The following STK32B variants were observed in gnomAD, a reference collection of about 807,000 sequenced individuals.
The protein encoded by STK32B is serine/threonine-protein kinase 32B.
In STK32B, 43 loss-of-function variants were observed where a neutral mutation model predicts 52.6. That is an observed-to-expected ratio of 0.82 (90% CI 0.64 to 1.05). The LOEUF (loss-of-function observed/expected upper bound fraction) is 1.05, where lower values mean the gene tolerates loss of function less well. Ranked by LOEUF, STK32B falls within the 50% of genes least tolerant of loss-of-function variation. The probability of loss-of-function intolerance (pLI) is 0.00; values close to 1 mark genes in which losing one functional copy is unlikely to be tolerated. For synonymous variants in STK32B, 238 were observed against 204.3 expected, an observed-to-expected ratio of 1.17 and a Z score of -1.41; for missense variants, 621 against 534.6, an observed-to-expected ratio of 1.16 and a Z score of -1.59.
rs1027548479 is a variant in STK32B, at chr4:5,090,057, G to T, written c.52+38142G>T. 2.6e-5 allele frequency among the ~76,000 whole-genome samples: 4 copies of T among 151,970 alleles called. No individual in the cohort carries two copies. The South Asian group carries it at 8.3e-4, about 32-fold the overall frequency. ...CATGTCTTTTGCCCACTTTTTGATG[G>T]GGTTGTTTTTTCTTGTAAATATGTT... On this transcript the variant is annotated intron_variant, in intron 1 of 11. Transcript: ENST00000282908.
chr4:5,100,059 C>G (rs75034743), intron 1 of STK32B, among the ~76,000 whole-genome samples: 2 of 152,076 alleles, frequency 1.3e-5, no homozygotes, highest in African/African-American at 2.4e-5. Flanking sequence ...CATTTGTAAC[C>G]TCTGAAATGA....
chr4:5,088,651 G>A (rs1315716187), intron 1 of STK32B, among the ~76,000 whole-genome samples: 1 of 151,938 alleles, frequency 6.6e-6, no homozygotes, highest in African/African-American at 2.4e-5. Flanking sequence ...CTGTTTGAGA[G>A]ATGGATACTT....
chr4:5,184,994 A>G (rs1720635961), intron 3 of STK32B, among the ~76,000 whole-genome samples: 1 of 152,186 alleles, frequency 6.6e-6, no homozygotes, highest in Non-Finnish European at 1.5e-5. Flanking sequence ...ACCTGAGGTG[A>G]GGTTGCTCCC....
upstream of STK32B, among the ~76,000 whole-genome samples, chr4:5,048,485 T>C (rs541275521): frequency 1.3e-4 from 20 of 152,208 alleles, no homozygotes; most frequent in South Asian, 2.9e-3. Flanking sequence ...TTAGTAGAGA[T>C]GGGGTTTCAC....
chr4:5,133,887 A>G (rs1249250290), intron 1 of STK32B, among the ~76,000 whole-genome samples: 1 of 152,174 alleles, frequency 6.6e-6, no homozygotes, highest in African/African-American at 2.4e-5. Flanking sequence ...ATTTTATTAA[A>G]TGGAAAATCA....
At chr4:5,353,630 A>T (rs762681236) in intron 4 of STK32B, among the ~76,000 whole-genome samples, 3 of 152,198 alleles carry the variant, frequency 2.0e-5, no homozygotes, top group Non-Finnish European at 4.4e-5. Context: ...CAACAGGTAT[A>T]TGAAAAACTG....
intron 11 of STK32B, among the ~76,000 whole-genome samples, chr4:5,476,066 T>C (rs894864363): frequency 7.9e-5 from 12 of 151,408 alleles, no homozygotes; most frequent in African/African-American, 2.9e-4. Flanking sequence ...AGCTAATTTT[T>C]GTATTTTTTT....
rs538525293 is a variant in STK32B at position 5,402,306 on chromosome 4, G to A, written c.472+4062G>A. On this transcript the variant is annotated intron_variant, in intron 5 of 11. Transcript: ENST00000282908. ...GGAAGAGGCCAGTGGAAATGGAATG[G>A]ATGGAGCCACAGGCACAGGCCGGTG... 1.6e-4 allele frequency among the ~76,000 whole-genome samples: 24 copies of A among 152,362 alleles called. No individual in the cohort carries two copies. The South Asian group carries it at 5.0e-3, about 32-fold the overall frequency.
At chr4:5,454,862 C>T (rs982321378) in intron 7 of STK32B, among the ~76,000 whole-genome samples, 16 of 152,130 alleles carry the variant, frequency 1.1e-4, no homozygotes, top group Admixed American at 4.6e-4. Context: ...ATCTCACACA[C>T]GCAATGATGG....
At chr4:5,137,156 C>T (rs1462080889) in intron 1 of STK32B, among the ~76,000 whole-genome samples, 4 of 152,294 alleles carry the variant, frequency 2.6e-5, no homozygotes, top group South Asian at 2.1e-4. Flanking sequence ...ACCTCTACAG[C>T]GATAAAGCTG....
chr4:5,253,390 G>A (rs1326356341), intron 3 of STK32B, among the ~76,000 whole-genome samples: 2 of 151,980 alleles, frequency 1.3e-5, no homozygotes, highest in Non-Finnish European at 2.9e-5. Flanking sequence ...TGTTGTTGTT[G>A]TTTAGACAGG....
At chr4:5,047,674 C>G (rs922825292), upstream of STK32B, among the ~76,000 whole-genome samples, 2 of 152,094 alleles carry the variant, frequency 1.3e-5, no homozygotes, top group African/African-American at 4.8e-5. Context: ...CTGCAGGGCT[C>G]CTGGATGACA....
At chr4:5,142,679 T>C (rs920091189) in intron 2 of STK32B, among the ~76,000 whole-genome samples, 1 of 152,228 alleles carries the variant, frequency 6.6e-6, no homozygotes, top group Non-Finnish European at 1.5e-5. Context: ...GAAATCTTTT[T>C]TAAAAATCAG....
intron 4 of STK32B, among the ~76,000 whole-genome samples, chr4:5,347,943 G>A (rs1443405709): frequency 1.3e-5 from 2 of 152,112 alleles, no homozygotes; most frequent in Non-Finnish European, 2.9e-5. Flanking sequence ...GTCTTAAGTA[G>A]TTCTTTATAG....
chr4:5,292,237 C>T (rs951401866), intron 3 of STK32B, among the ~76,000 whole-genome samples: 5 of 152,124 alleles, frequency 3.3e-5, no homozygotes, highest in African/African-American at 1.2e-4. Flanking sequence ...TCTATGGGAA[C>T]TGAACTAATT....
chr4:5,455,426 C>T (rs746351248), intron 7 of STK32B, among the ~76,000 whole-genome samples: 1 of 152,232 alleles, frequency 6.6e-6, no homozygotes, highest in African/African-American at 2.4e-5. Flanking sequence ...ATGCCGCATG[C>T]ATAGGAAATC....
At chr4:5,056,850 C>A (rs1476166977) in intron 1 of STK32B, among the ~76,000 whole-genome samples, 1 of 152,188 alleles carries the variant, frequency 6.6e-6, no homozygotes, top group Non-Finnish European at 1.5e-5. Flanking sequence ...GAAGAATTTT[C>A]CCAAGGGATA....
At chr4:5,173,756 G>T (rs1035614332) in intron 3 of STK32B, among the ~76,000 whole-genome samples, 1 of 152,170 alleles carries the variant, frequency 6.6e-6, no homozygotes, top group African/African-American at 2.4e-5. Context: ...GGTGTGGTGT[G>T]GTGCTGAAAA....
At chr4:5,224,016 C>T (rs536124097) in intron 3 of STK32B, among the ~76,000 whole-genome samples, 2 of 152,250 alleles carry the variant, frequency 1.3e-5, no homozygotes, top group South Asian at 4.2e-4. Flanking sequence ...CACAGGCTCA[C>T]AGCCAGAGGA....
Sources: gnomAD v4.1 joint callset for allele counts (sites outside exome capture counted in the v4.1 genomes callset) on GRCh38, gnomAD v4.1.1 for gene constraint, MANE v1.5 for transcripts, NCBI Gene and HGNC (gene_info 2026-07-23, HGNC 2026-07-21) for gene names.